ASCC3: variants seen among roughly 807,000 people sequenced by gnomAD.
ASCC3 encodes ASC-1 complex subunit P200.
Under a neutral mutation model 256.3 loss-of-function variants are expected in ASCC3, and 158 were observed. That is an observed-to-expected ratio of 0.62 (90% confidence interval 0.54 to 0.70). ASCC3 has a LOEUF of 0.70. Ranked by LOEUF, ASCC3 falls within the 30% of genes least tolerant of loss-of-function variation. The pLI is 0.00. For missense variants in ASCC3, 2,259 were observed against 2,626.0 expected, an observed-to-expected ratio of 0.86 and a Z score of 3.05; for synonymous variants, 948 against 883.4, an observed-to-expected ratio of 1.07 and a Z score of -1.30.
chr6:100,764,308 G>A (rs1204124697), intron 10 of ASCC3, among the ~76,000 whole-genome samples: 1 of 152,136 alleles, frequency 6.6e-6, no homozygotes, highest in African/African-American at 2.4e-5. Flanking sequence ...TTTGAACTGG[G>A]TTTTAAAGAA....
chr6:100,704,948 A>C (rs1778512749), intron 13 of ASCC3, among the ~76,000 whole-genome samples: 1 of 152,078 alleles, frequency 6.6e-6, no homozygotes, highest in Non-Finnish European at 1.5e-5. Flanking sequence ...ATCTCAATAG[A>C]GTTAAGGCAT....
chr6:100,826,793 T>A (rs1159653575), intron 4 of ASCC3, among the ~76,000 whole-genome samples: 1 of 152,084 alleles, frequency 6.6e-6, no homozygotes, highest in Non-Finnish European at 1.5e-5. Flanking sequence ...CAGAGTAAGG[T>A]TTTTTCAATC....
At position 100,581,189 on chromosome 6, in the gene ASCC3, G is replaced by A. The variant is rs1224771553; in HGVS notation, c.5550+8445C>T. 1.3e-5 allele frequency among the ~76,000 whole-genome samples: 2 copies of A among 152,154 alleles called. 1 individual carries two copies. Among genetic ancestry groups the A allele is most frequent in the East Asian group, 3.9e-4 (2 of 5,186 alleles). On this transcript the variant is annotated intron_variant, in intron 36 of 41. Coordinates refer to ENST00000369162, the MANE Select transcript of ASCC3 (RefSeq NM_006828.4). ...TCCACAATGGTTGAACTACTTTACA[G>A]TCCCACCAACAGTGTAAAAGTGTTC...
intron 36 of ASCC3, among the ~76,000 whole-genome samples, chr6:100,560,217 C>T (rs12191199): frequency 0.46 from 69,494 of 151,906 alleles, 16,135 homozygotes; most frequent in South Asian, 0.62. Context: ...TAAAATTAAT[C>T]ACTTCCTAAT....
intron 10 of ASCC3, among the ~76,000 whole-genome samples, chr6:100,761,517 T>C (rs1037816021): frequency 4.6e-5 from 7 of 152,070 alleles, no homozygotes; most frequent in African/African-American, 7.2e-5. Context: ...AAACGAAGAA[T>C]AGAACTGACA....
At chr6:100,548,521 C>T (rs1292807746) in intron 36 of ASCC3, among the ~76,000 whole-genome samples, 1 of 151,752 alleles carries the variant, frequency 6.6e-6, no homozygotes, top group Non-Finnish European at 1.5e-5. Context: ...GAGTATCTAC[C>T]ATATGCCATT....
intron 16 of ASCC3, among the ~76,000 whole-genome samples, chr6:100,658,253 GCT>G (rs1776014530): frequency 6.6e-6 from 1 of 151,436 alleles, no homozygotes; most frequent in Non-Finnish European, 1.5e-5. Flanking sequence ...ATAGTTTTAT[GCT>G]CTGTTAAATA....
At chr6:100,793,166 T>C (rs1229224441) in intron 8 of ASCC3, among the ~76,000 whole-genome samples, 1 of 152,012 alleles carries the variant, frequency 6.6e-6, no homozygotes, top group African/African-American at 2.4e-5. Flanking sequence ...CTGACATTTG[T>C]GGTTATCTTA....
chr6:100,741,510 A>G (rs1490812137), intron 10 of ASCC3, among the ~76,000 whole-genome samples: 3 of 152,196 alleles, frequency 2.0e-5, no homozygotes, highest in Non-Finnish European at 2.9e-5. Context: ...CATCTCGTTT[A>G]GGTACCCCAA....
intron 1 of ASCC3, among the ~76,000 whole-genome samples, chr6:100,874,183 T>G (rs1773877377): frequency 6.6e-6 from 1 of 152,092 alleles, no homozygotes; most frequent in Non-Finnish European, 1.5e-5. Flanking sequence ...TCATTGCATT[T>G]TAGGCTGGGC....
chr6:100,717,607 A>G (rs1274484838), intron 12 of ASCC3, among the ~76,000 whole-genome samples: 1 of 152,006 alleles, frequency 6.6e-6, no homozygotes, highest in African/African-American at 2.4e-5. Flanking sequence ...AGGTAATCAT[A>G]GAACATTGTA....
At chr6:100,824,464 C>T (rs1314596317) in intron 4 of ASCC3, among the ~76,000 whole-genome samples, 3 of 152,166 alleles carry the variant, frequency 2.0e-5, no homozygotes, top group Non-Finnish European at 4.4e-5. Context: ...GCTGATGATG[C>T]ACAGTAGGCA....
Position 100,627,642 on chromosome 6 carries a change from T to C in ASCC3, c.4590A>G (p.Pro1530=). The stretch of plus-strand genomic sequence containing the variant: ...CCATACGAGGACAGTAATGTTGACC[T>C]GGAAAGCCTTGAATGTGAACTTCCA... ...VPLEVHIQGF[P]GQHYCPRMAS... The change falls in exon 29 of 42, where the codon CCA becomes CCG. Residue 1530 remains proline, a synonymous_variant. Coordinates refer to ENST00000369162, the MANE Select transcript of ASCC3 (RefSeq NM_006828.4). The C allele has an allele frequency of 6.2e-7, 1 of 1,613,636 alleles. No homozygotes were observed. Among genetic ancestry groups the C allele is most frequent in the Non-Finnish European group, 8.5e-7 (1 of 1,179,752 alleles).
At chr6:100,573,011 A>G (rs1300571530) in intron 36 of ASCC3, among the ~76,000 whole-genome samples, 1 of 152,144 alleles carries the variant, frequency 6.6e-6, no homozygotes, top group African/African-American at 2.4e-5. Context: ...CCTCAGCATG[A>G]AGGGGTATTT....
intron 3 of ASCC3, among the ~76,000 whole-genome samples, chr6:100,851,741 C>T (rs1375450260): frequency 6.6e-6 from 1 of 152,160 alleles, no homozygotes; most frequent in African/African-American, 2.4e-5. Flanking sequence ...AGTTTTTCAA[C>T]AGAGAATCTC....
intron 4 of ASCC3, among the ~76,000 whole-genome samples, chr6:100,841,466 A>T (rs2114486699): frequency 6.6e-6 from 1 of 152,316 alleles, no homozygotes; most frequent in East Asian, 1.9e-4. Context: ...TGGCAATGTG[A>T]ATTTACAAAA....
intron 8 of ASCC3, among the ~76,000 whole-genome samples, chr6:100,792,055 A>T (rs1032765035): frequency 2.6e-5 from 4 of 152,056 alleles, no homozygotes; most frequent in African/African-American, 9.6e-5. Flanking sequence ...TATTTATAAC[A>T]TAATAGTATA....
intron 29 of ASCC3, among the ~76,000 whole-genome samples, chr6:100,627,110 A>C (rs1354409280): frequency 6.6e-6 from 1 of 152,156 alleles, no homozygotes; most frequent in Non-Finnish European, 1.5e-5. Flanking sequence ...TATGCAGCCC[A>C]AATAAAACAT....
chr6:100,811,807 T>A (rs1770482886), intron 4 of ASCC3, among the ~76,000 whole-genome samples: 1 of 152,080 alleles, frequency 6.6e-6, no homozygotes. Context: ...AGGAGAGAAC[T>A]GAGTAAAGAG....
Sources: gnomAD v4.1 joint callset for allele counts (sites outside exome capture counted in the v4.1 genomes callset) on GRCh38, gnomAD v4.1.1 for gene constraint, MANE v1.5 for transcripts, NCBI Gene and HGNC (gene_info 2026-07-23, HGNC 2026-07-21) for gene names.